The following ABLIM1 variants were observed in gnomAD, a reference collection of about 807,000 sequenced individuals.
ABLIM1 encodes actin binding LIM protein 1, also known as actin-binding LIM protein 1.
In ABLIM1, 40 loss-of-function variants were observed where a neutral mutation model predicts 107.0. The ratio of observed to expected loss-of-function variants is 0.37; its 90% CI spans 0.29 to 0.49. ABLIM1 has a LOEUF of 0.49. Among genes scored for constraint, ABLIM1 ranks in the 20% least tolerant of loss-of-function variants. The pLI, the probability that ABLIM1 is intolerant of heterozygous loss-of-function variation, is 0.97. For synonymous variants in ABLIM1, 357 were observed against 357.3 expected (o/e 1.00, Z 0.01); for missense variants, 857 against 1,008.5 (o/e 0.85, Z 2.04).
At chr10:114,474,955 G>T (rs1418906407) in intron 8 of ABLIM1, among the ~76,000 whole-genome samples, 1 of 152,124 alleles carries the variant, frequency 6.6e-6, no homozygotes, top group Non-Finnish European at 1.5e-5. Context: ...ACATGACTTT[G>T]TTTCTTATTT....
chr10:114,526,508 G>GTCA (rs2064771973), intron 6 of ABLIM1: 1 of 361,922 alleles, frequency 2.8e-6, no homozygotes, highest in Admixed American at 6.5e-5. Flanking sequence ...ATAAATGTAT[G>GTCA]TCAGGGCAAT....
chr10:114,641,938 A>G (rs1296466638), intron 1 of ABLIM1, among the ~76,000 whole-genome samples: 2 of 151,526 alleles, frequency 1.3e-5, no homozygotes, highest in Admixed American at 6.6e-5. Flanking sequence ...GCCAGAGTGC[A>G]GTGGCATGAT....
upstream of ABLIM1, among the ~76,000 whole-genome samples, chr10:114,661,207 T>G (rs1234859222): frequency 1.3e-5 from 2 of 152,218 alleles, no homozygotes; most frequent in East Asian, 3.8e-4. Flanking sequence ...ATATGGATCA[T>G]GAAGACGGCT....
chr10:114,606,975 T>A (rs1445153665), intron 1 of ABLIM1, among the ~76,000 whole-genome samples: 3 of 152,156 alleles, frequency 2.0e-5, no homozygotes, highest in Admixed American at 6.5e-5. Flanking sequence ...CACCTTCACA[T>A]CCCCTGTGCC....
intron 5 of ABLIM1, among the ~76,000 whole-genome samples, chr10:114,547,111 T>C (rs1207080989): frequency 6.7e-6 from 1 of 150,180 alleles, no homozygotes; most frequent in Non-Finnish European, 1.5e-5. Context: ...TTTTAAGGCA[T>C]GAAAAGGTAT....
intron 1 of ABLIM1, among the ~76,000 whole-genome samples, chr10:114,718,791 TAAATTCCAC>T (rs996543847): frequency 6.6e-6 from 1 of 152,238 alleles, no homozygotes; most frequent in African/African-American, 2.4e-5. Context: ...TAATTTAATA[TAAATTCCAC>T]AACAACAACA....
At chr10:114,457,892 T>C (rs1178328848) in intron 12 of ABLIM1, among the ~76,000 whole-genome samples, 1 of 152,098 alleles carries the variant, frequency 6.6e-6, no homozygotes, top group African/African-American at 2.4e-5. Context: ...GCCAACATGG[T>C]GAAACCCTGT....
At chr10:114,469,849 A>G (rs2066105046) in intron 10 of ABLIM1, among the ~76,000 whole-genome samples, 1 of 152,260 alleles carries the variant, frequency 6.6e-6, no homozygotes, top group African/African-American at 2.4e-5. Context: ...ATGAAATTCA[A>G]ACAGAGCTAT....
At chr10:114,574,561 TC>T in intron 3 of ABLIM1, among the ~76,000 whole-genome samples, 1 of 152,232 alleles carries the variant, frequency 6.6e-6, no homozygotes, top group Admixed American at 6.5e-5. Context: ...TGCCTCAGCC[TC>T]CCAAGCAGCT....
intron 10 of ABLIM1, among the ~76,000 whole-genome samples, chr10:114,470,870 T>C (rs368890172): frequency 6.6e-6 from 1 of 151,452 alleles, no homozygotes; most frequent in Non-Finnish European, 1.5e-5. Context: ...TTTGTGGTGG[T>C]GGTTTTTGTT....
chr10:114,654,423 A>G (rs2079398285), intron 1 of ABLIM1, among the ~76,000 whole-genome samples: 1 of 152,208 alleles, frequency 6.6e-6, no homozygotes, highest in South Asian at 2.1e-4. Context: ...GTGTGCCACT[A>G]TACCAAACAC....
chr10:114,713,035 CA>C (rs1010081681), intron 1 of ABLIM1, among the ~76,000 whole-genome samples: 3 of 152,112 alleles, frequency 2.0e-5, no homozygotes, highest in Admixed American at 6.5e-5. Flanking sequence ...ACAGACAGAG[CA>C]AGACCCTGTC....
intron 4 of ABLIM1, among the ~76,000 whole-genome samples, chr10:114,562,113 ACCAGGTCACCCCTCCT>A (rs2069800713): frequency 6.6e-6 from 1 of 152,200 alleles, no homozygotes; most frequent in South Asian, 2.1e-4. Flanking sequence ...AAATTGCCAC[ACCAGGTCACCCCTCCT>A]CCAGGTCAGG....
At chr10:114,782,836 G>A in the ABLIM1 span, among the ~76,000 whole-genome samples, 1 of 152,076 alleles carries the variant, frequency 6.6e-6, no homozygotes, top group East Asian at 1.9e-4. Context: ...ATATTTTGGA[G>A]GTAGAATTGA....
chr10:114,547,444 G>A, intron 5 of ABLIM1: 1 of 610,520 alleles, frequency 1.6e-6, no homozygotes. Context: ...ATTAGGCAAT[G>A]ATTAACATAT....
At chr10:114,593,756 A>G (rs769960580) in intron 2 of ABLIM1, among the ~76,000 whole-genome samples, 8 of 152,076 alleles carry the variant, frequency 5.3e-5, no homozygotes, top group Non-Finnish European at 1.2e-4. Context: ...CAAGAGACTC[A>G]TGGATAATTA....
Position 114,571,390 on chromosome 10 carries a change from C to T in ABLIM1, c.580G>A (p.Gly194Arg), listed in dbSNP as rs956953836. ...CTICKRPFPP[G>R]DRVTFNGRDC... ...CTCCCATTGAATGTGACTCGGTCTC[C>T]GGGTGGAAACGGGCGCCTGGAGGCA... Residue 194 changes from glycine (G) to arginine (R), a missense_variant, in exon 4 of 23, where the codon GGA (glycine) becomes AGA (arginine). This residue lies in a region of ABLIM1 where 381 missense variants were observed against 506.9 expected (regional missense o/e 0.75). Transcript: ENST00000533213. The T allele has an allele frequency of 7.4e-6, 12 of 1,614,052 alleles. No individual in the cohort carries two copies. The highest frequency in any genetic ancestry group is 1.7e-5 in the Admixed American group (1 of 60,010).
chr10:114,525,056 C>T (rs1273033528), intron 6 of ABLIM1, among the ~76,000 whole-genome samples: 1 of 152,226 alleles, frequency 6.6e-6, no homozygotes, highest in African/African-American at 2.4e-5. Context: ...GCATTTTGCC[C>T]ACAGGGAATA....
chr10:114,790,347 A>C, the ABLIM1 span, among the ~76,000 whole-genome samples: 17 of 151,324 alleles, frequency 1.1e-4, no homozygotes, highest in Non-Finnish European at 2.4e-4. Flanking sequence ...AGAAGAAAAA[A>C]CTAGTGAGAA....
Sources: gnomAD v4.1 joint callset for allele counts (sites outside exome capture counted in the v4.1 genomes callset) on GRCh38, gnomAD v4.1.1 for gene constraint, gnomAD v4.1.1 regional missense constraint, MANE v1.5 for transcripts, NCBI Gene and HGNC (gene_info 2026-07-23, HGNC 2026-07-21) for gene names.